KCNMA1: variants seen among roughly 807,000 people sequenced by gnomAD.
KCNMA1 encodes Calcium-activated potassium channel subunit alpha-1.
In KCNMA1, 29 loss-of-function variants were observed where a neutral mutation model predicts 140.0. The ratio of observed to expected loss-of-function variants is 0.21; its 90% CI spans 0.15 to 0.28. The LOEUF is 0.28. KCNMA1 is among the 10% of genes least tolerant of loss of function. The pLI, the probability that KCNMA1 is intolerant of heterozygous loss-of-function variation, is 1.00. For synonymous variants in KCNMA1, 612 were observed against 611.9 expected (o/e 1.00, Z 0.00); for missense variants, 880 against 1,602.2 (o/e 0.55, Z 7.70).
intron 1 of KCNMA1, among the ~76,000 whole-genome samples, chr10:77,603,965 G>A (rs12264331): frequency 0.054 from 8,253 of 152,292 alleles, 715 homozygotes; most frequent in African/African-American, 0.19. Flanking sequence ...GGACTAATGT[G>A]AATTGCTCAC....
chr10:77,467,046 A>G (rs2098037110), intron 1 of KCNMA1, among the ~76,000 whole-genome samples: 1 of 152,212 alleles, frequency 6.6e-6, no homozygotes. Context: ...AGGAACGCAG[A>G]GCCTAGCCTG....
At chr10:76,945,055 AAG>A (rs2063549836) in intron 22 of KCNMA1, 90 bp from the exon 23 acceptor site, 2 of 1,072,518 alleles carry the variant, frequency 1.9e-6, no homozygotes, top group African/African-American at 3.1e-5. Flanking sequence ...AGGAGAGGGA[AAG>A]AGGAAAACAA....
Position 76,940,998 on chromosome 10 carries a change from AAAGGAAGG to A in KCNMA1, c.2902+3767_2902+3774del, listed in dbSNP as rs752766663. ...GAAAGAAAGAGAGAAAGAGAGAAAG[AAAGGAAGG>A]AAGGAAGGAAGGAAGAAAGAAAGAA... is the stretch of plus-strand genomic sequence containing the variant. On this transcript the variant is annotated intron_variant, in intron 23 of 27. Transcript: ENST00000286628. 9.9e-3 allele frequency among the ~76,000 whole-genome samples: 625 copies of A among 63,310 alleles called. 43 individuals are homozygous for A. The highest frequency in any genetic ancestry group is 0.039 in the African/African-American group (593 of 15,066). The allele number at this position is 63,310 out of a possible 152,430, so 41.5% of individuals were successfully genotyped here.
intron 1 of KCNMA1, among the ~76,000 whole-genome samples, chr10:77,491,865 C>T (rs572383841): frequency 3.0e-4 from 46 of 152,200 alleles, no homozygotes; most frequent in African/African-American, 1.1e-3. Flanking sequence ...TTTTTAATGC[C>T]CCTTCTGTGA....
chr10:77,443,458 G>T (rs2097454118), intron 1 of KCNMA1, among the ~76,000 whole-genome samples: 1 of 152,138 alleles, frequency 6.6e-6, no homozygotes, highest in African/African-American at 2.4e-5. Context: ...GAACACGGAG[G>T]GCAGGGTGAG....
chr10:77,565,337 A>C (rs1354110494), intron 1 of KCNMA1, among the ~76,000 whole-genome samples: 1 of 151,934 alleles, frequency 6.6e-6, no homozygotes, highest in African/African-American at 2.4e-5. Context: ...GCGGGGAAAC[A>C]GGGAGAGAGC....
At chr10:76,914,131 G>C in intron 24 of KCNMA1, 9 of 1,549,896 alleles carry the variant, frequency 5.8e-6, no homozygotes, top group Non-Finnish European at 7.9e-6. Context: ...CAACTTGCCC[G>C]GTTTAGCTAA....
intron 5 of KCNMA1, among the ~76,000 whole-genome samples, chr10:77,145,673 T>C (rs184543756): frequency 1.4e-3 from 215 of 152,342 alleles, no homozygotes; most frequent in African/African-American, 4.8e-3. Flanking sequence ...TTTAAAAATA[T>C]TGACCAAGAA....
intron 2 of KCNMA1, among the ~76,000 whole-genome samples, chr10:77,353,324 G>T (rs1269155646): frequency 6.6e-6 from 1 of 152,076 alleles, no homozygotes; most frequent in African/African-American, 2.4e-5. Context: ...ATCACTGAGT[G>T]GTTGTAGGGC....
chr10:77,234,485 T>C (rs1041628989), intron 3 of KCNMA1, among the ~76,000 whole-genome samples: 1 of 152,236 alleles, frequency 6.6e-6, no homozygotes, highest in African/African-American at 2.4e-5. Flanking sequence ...TAAATATTTA[T>C]TGAGTTAATT....
intron 1 of KCNMA1, among the ~76,000 whole-genome samples, chr10:77,588,072 C>G (rs2077795784): frequency 6.6e-6 from 1 of 152,184 alleles, no homozygotes; most frequent in Non-Finnish European, 1.5e-5. Context: ...TTTGGAGATT[C>G]TAATTCCATG....
At chr10:76,914,747 A>C in intron 24 of KCNMA1, 189 bp downstream of exon 24, 1 of 550,472 alleles carries the variant, frequency 1.8e-6, no homozygotes, top group East Asian at 3.3e-5. Flanking sequence ...TCTCAGAAGA[A>C]AGATAGATCA....
At chr10:77,241,664 T>A (rs1003061897) in intron 3 of KCNMA1, among the ~76,000 whole-genome samples, 6 of 151,096 alleles carry the variant, frequency 4.0e-5, no homozygotes, top group South Asian at 4.2e-4. Context: ...AAAAAAAAAA[T>A]TTGCCAGCCA....
chr10:77,079,193 T>C (rs1313500039), intron 13 of KCNMA1, among the ~76,000 whole-genome samples: 1 of 151,930 alleles, frequency 6.6e-6, no homozygotes, highest in African/African-American at 2.4e-5. Context: ...TTGCTTGAAC[T>C]TGGGAGGTGG....
chr10:76,950,874 A>C lies in KCNMA1; in HGVS notation c.2485-1508T>G, dbSNP rs975435674. On this transcript the variant is annotated intron_variant, in intron 21 of 27. Transcript: ENST00000286628. ...CATAAGCTGTAAGAAATGCCTTAGA[A>C]ACTGTGACCAAGGAAGACCCACTGG... is the stretch of plus-strand genomic sequence containing the variant. Among the ~76,000 whole-genome samples, 3 of 152,172 alleles carry C rather than the reference A, an allele frequency of 2.0e-5. No homozygotes were observed. The South Asian group carries it at 6.2e-4, about 32-fold the overall frequency.
intron 2 of KCNMA1, among the ~76,000 whole-genome samples, chr10:77,382,941 CACATAT>C (rs1412334816): frequency 3.4e-5 from 4 of 118,538 alleles, no homozygotes; most frequent in African/African-American, 9.3e-5. Context: ...TACATATATA[CACATAT>C]ACATATATAT....
intron 3 of KCNMA1, among the ~76,000 whole-genome samples, chr10:77,236,606 G>A (rs967827096): frequency 2.0e-5 from 3 of 152,106 alleles, no homozygotes; most frequent in East Asian, 1.9e-4. Flanking sequence ...TTTCTTAAAC[G>A]CTTTTTAGCA....
At chr10:77,176,905 C>G (rs187701449) in intron 5 of KCNMA1, among the ~76,000 whole-genome samples, 1 of 152,206 alleles carries the variant, frequency 6.6e-6, no homozygotes. Context: ...GGAAGAGTAT[C>G]CTGGAGTATC....
At chr10:77,608,350 T>G (rs2085326976) in intron 1 of KCNMA1, among the ~76,000 whole-genome samples, 1 of 152,078 alleles carries the variant, frequency 6.6e-6, no homozygotes, top group South Asian at 2.1e-4. Context: ...TTTTTTGTAT[T>G]TTTCGTAGAG....
Sources: allele counts gnomAD v4.1 joint callset (sites outside exome capture counted in the v4.1 genomes callset), GRCh38; gene constraint gnomAD v4.1.1; transcripts MANE v1.5; gene names NCBI Gene and HGNC (gene_info 2026-07-23, HGNC 2026-07-21).